STAB1: variants seen among roughly 807,000 people sequenced by gnomAD.
STAB1 encodes the protein stabilin-1.
In STAB1, 250 loss-of-function variants were observed where a neutral mutation model predicts 332.4. That is an observed-to-expected ratio of 0.75 (90% CI 0.68 to 0.84). STAB1 has a LOEUF of 0.84. Among genes scored for constraint, STAB1 ranks in the 40% least tolerant of loss-of-function variants. STAB1 has a pLI of 0.00. For synonymous variants in STAB1, 1,475 were observed against 1,390.4 expected (o/e 1.06, Z -1.35); for missense variants, 3,249 against 3,489.7 (o/e 0.93, Z 1.74).
chr3:52,518,895 G>A, intron 48 of STAB1, 26 bp downstream of exon 48: 4 of 1,498,144 alleles, frequency 2.7e-6, no homozygotes, highest in Admixed American at 4.1e-5. Flanking sequence ...GGCCTGCCCC[G>A]CTCCATCCCG....
chr3:52,520,768 G>T (rs749650261), intron 54 of STAB1, 36 bp from the exon 55 acceptor site: 1 of 1,612,736 alleles, frequency 6.2e-7, no homozygotes, highest in South Asian at 1.1e-5. Flanking sequence ...ACCAAACTCA[G>T]AACCACCCAA....
rs767313658 is a variant in STAB1 at position 52,501,642 on chromosome 3, G to A, written c.220G>A (p.Glu74Lys). ...PDQITQDCRYEVQLGGSMVSM... is the reference protein window; with the variant it reads ...PDQITQDCRYKVQLGGSMVSM... The stretch of plus-strand genomic sequence containing the variant: ...CTGCCCACCCTCTGCCCCCAGCTAC[G>A]AAGTACAGCTGGGGGGCTCTATGGT... Residue 74 changes from glutamate to lysine, a missense_variant, in exon 3 of 69, where the codon GAA (glutamate) becomes AAA (lysine). Physicochemically the swap from Glu to Lys is moderately conservative, Grantham distance 56. Coordinates refer to ENST00000321725, the MANE Select transcript of STAB1 (RefSeq NM_015136.3). 107 of 1,559,536 alleles carry A rather than the reference G, an allele frequency of 6.9e-5. 1 individual carries two copies. Among genetic ancestry groups the A allele is most frequent in the South Asian group, 6.7e-4 (57 of 84,628 alleles).
At chr3:52,503,963 G>T in intron 9 of STAB1, 61 bp downstream of exon 9, 2 of 1,611,412 alleles carry the variant, frequency 1.2e-6, no homozygotes, top group Non-Finnish European at 1.7e-6. Flanking sequence ...TCTGCGGGAA[G>T]GCGTGGGGGG....
intron 18 of STAB1, 60 bp from the exon 19 acceptor site, chr3:52,507,553 T>A: frequency 6.5e-7 from 1 of 1,540,620 alleles, no homozygotes; most frequent in Non-Finnish European, 8.8e-7. Flanking sequence ...CTTCTCTGGG[T>A]TTGCCGAGTA....
chr3:52,509,904 C>G lies in STAB1; in HGVS notation c.2382C>G (p.Arg794=), dbSNP rs1559690548. ...GTGTCCATGGTCTCTGCGACAACCG[C>G]CCAGGCAGTGGGGGGGTGTGCCAGC... The part of the protein sequence containing the change: ...CGCVHGLCDN[R]PGSGGVCQQG... The change falls in exon 23 of 69, where the codon CGC becomes CGG. Residue 794 remains arginine (R), a synonymous_variant. Coordinates refer to ENST00000321725, the MANE Select transcript of STAB1 (RefSeq NM_015136.3). 3.1e-6 allele frequency: 5 copies of G among 1,612,950 alleles called. No homozygotes were observed. The Admixed American group carries it at 5.0e-5, about 16-fold the overall frequency.
chr3:52,518,619 C>T lies in STAB1; in HGVS notation c.4887+6C>T, dbSNP rs1481312495. The T allele has an allele frequency of 2.5e-6, 4 of 1,607,736 alleles. No individual in the cohort carries two copies. Among genetic ancestry groups the T allele is most frequent in the Admixed American group, 1.7e-5 (1 of 59,254 alleles). On this transcript the variant is annotated splice_donor_region_variant and intron_variant, in intron 47 of 68. Transcript: ENST00000321725. ...TAATGAGCAACCTGTCGCAGGTATG[C>T]AGCCCCCAGAGCGAGGCTGGGCAGG...
chr3:52,522,990 C>G, intron 62 of STAB1, 35 bp from the exon 63 acceptor site: 1 of 1,595,842 alleles, frequency 6.3e-7, no homozygotes, highest in South Asian at 1.1e-5. Context: ...CCCTTCCCAC[C>G]AATCTGCTGA....
intron 26 of STAB1, 78 bp from the exon 27 acceptor site, chr3:52,512,263 C>A: frequency 7.2e-7 from 1 of 1,396,356 alleles, no homozygotes; most frequent in Admixed American, 1.7e-5. Flanking sequence ...GGTGGCTGGA[C>A]AGGCAGAAAG....
Position 52,515,454 on chromosome 3 carries a change from C to T in STAB1, c.3896C>T (p.Ser1299Phe). The T allele has an allele frequency of 6.2e-7, 1 of 1,613,518 alleles. No homozygotes were observed. Among genetic ancestry groups the T allele is most frequent in the African/African-American group, 1.3e-5 (1 of 75,064 alleles). ...CCCAGGAAGAGCTGTGTCTACCGAT[C>T]TGGCTTCTCCTTCTCCCGGGGCTGC... ...DTPRKSCVYRSGFSFSRGCSY... is the reference protein window; with the variant it reads ...DTPRKSCVYRFGFSFSRGCSY... Residue 1299 changes from serine to phenylalanine, a missense_variant, in exon 37 of 69, where the codon TCT becomes TTT. By Grantham distance (155) the Ser-to-Phe change is radical. Transcript: ENST00000321725.
rs2079036133 is a variant in STAB1 at position 52,520,461 on chromosome 3, G to A, written c.5561G>A (p.Gly1854Asp). The change falls in exon 53 of 69, where the codon GGT becomes GAT. Residue 1854 changes from glycine (G) to aspartate (D), a missense_variant. Coordinates refer to ENST00000321725, the MANE Select transcript of STAB1 (RefSeq NM_015136.3). Reference protein sequence around the residue: ...RIVQRHLPFEGGLAYGIDQLL... With the variant: ...RIVQRHLPFEDGLAYGIDQLL... ...GTGCAGCGGCACTTGCCCTTTGAGG[G>A]TGGCCTGGCCTATGGCATCGACCAG... 4 of 1,612,806 alleles carry A rather than the reference G, an allele frequency of 2.5e-6. No individual in the cohort carries two copies. The highest frequency in any genetic ancestry group is 3.4e-6 in the Non-Finnish European group (4 of 1,179,916).
chr3:52,511,590 G>A, intron 25 of STAB1, 60 bp from the exon 26 acceptor site: 4 of 1,487,784 alleles, frequency 2.7e-6, no homozygotes, highest in Middle Eastern at 1.7e-4. Flanking sequence ...CCAAGTAATG[G>A]AGGAAGAAAG....
chr3:52,508,132 T>G (rs942993911), intron 20 of STAB1, 106 bp downstream of exon 20: 1 of 1,374,640 alleles, frequency 7.3e-7, no homozygotes, highest in African/African-American at 1.4e-5. Context: ...GAGGATGCAC[T>G]GCAGCCTGAC....
At chr3:52,519,074 C>A (rs2078981629) in intron 48 of STAB1, among the ~76,000 whole-genome samples, 190 bp from the exon 49 acceptor site, 1 of 151,900 alleles carries the variant, frequency 6.6e-6, no homozygotes, top group African/African-American at 2.4e-5. Context: ...GCCCTTGTGT[C>A]CTTCCGAGGA....
rs775183575 is a variant in STAB1 at position 52,520,868 on chromosome 3, T to C, written c.5771T>C (p.Leu1924Ser). Residue 1924 changes from leucine (L) to serine (S), a missense_variant, in exon 55 of 69, where the codon TTG becomes TCG. By Grantham distance (145) the Leu-to-Ser change is moderately radical (BLOSUM62 -2). Transcript: ENST00000321725. Reference sequence around the variant, plus strand: ...TGGACGTCCCCTCCGCTGCACTCTTTGGGATTACGCAGCGTCTGGGTCCAC... The same window carrying C: ...TGGACGTCCCCTCCGCTGCACTCTTCGGGATTACGCAGCGTCTGGGTCCAC... ...KFWTSPPLHS[L>S]GLRSVWVHPS... 1 of 1,612,752 alleles carries C rather than the reference T, an allele frequency of 6.2e-7. No homozygotes were observed. Among genetic ancestry groups the C allele is most frequent in the Non-Finnish European group, 8.5e-7 (1 of 1,179,986 alleles).
At position 52,510,223 on chromosome 3, in the gene STAB1, C is replaced by T. The variant is rs1575327996; in HGVS notation, c.2616C>T (p.Gly872=). ...CCTGCTCCCACCCGGACCGTGGAGG[C>T]TGCTCAGAGAATGTCAGTCCCCTTG... ...SNPCSHPDRG[G]CSENAECVPG... The change falls in exon 24 of 69, where the codon GGC becomes GGT. Residue 872 remains glycine, a synonymous_variant. Transcript: ENST00000321725. The T allele has an allele frequency of 7.4e-6, 12 of 1,614,046 alleles. No homozygotes were observed. The highest frequency in any genetic ancestry group is 1.0e-5 in the Non-Finnish European group (12 of 1,180,032).
Position 52,514,420 on chromosome 3 carries a change from C to A in STAB1, c.3602C>A (p.Thr1201Asn). Residue 1201 changes from threonine (T) to asparagine (N), a missense_variant, in exon 34 of 69, where the codon ACC becomes AAC. Physicochemically the swap from Thr to Asn is moderately conservative, Grantham distance 65 (BLOSUM62 0). Coordinates refer to ENST00000321725, the MANE Select transcript of STAB1 (RefSeq NM_015136.3). The stretch of plus-strand genomic sequence containing the variant: ...CTGGGGGAGGCCCTCTCCATGGAAA[C>A]CCTGCGGAAGGGTGGACACCGCAAC... ...VVLGEALSME[T>N]LRKGGHRNSL... 1.3e-6 allele frequency: 2 copies of A among 1,555,046 alleles called. No homozygotes were observed. Among genetic ancestry groups the A allele is most frequent in the Non-Finnish European group, 1.7e-6 (2 of 1,149,968 alleles).
At position 52,495,422 on chromosome 3, in the gene STAB1, GC is replaced by G; in HGVS notation, c.13del (p.Arg5GlyfsTer30). On this transcript the variant is annotated frameshift_variant, in exon 1 of 69. Coordinates refer to ENST00000321725, the MANE Select transcript of STAB1 (RefSeq NM_015136.3). LOFTEE classifies it high-confidence loss of function. ...CAGCGTGCCCACCAGCCATGGCGGG[GC>G]CCCGGGGCCTCCTCCCACTCTGCCT... MAG[P>X]RGLLPLCLLA... 3 of 1,340,426 alleles carry G rather than the reference GC, an allele frequency of 2.2e-6. No individual in the cohort carries two copies. The highest frequency in any genetic ancestry group is 2.9e-6 in the Non-Finnish European group (3 of 1,038,932). 83.0% of individuals were successfully genotyped at this position (1,340,426 alleles called of 1,614,324 possible).
At chr3:52,498,513 C>T (rs1266269905) in intron 1 of STAB1, among the ~76,000 whole-genome samples, 1 of 152,370 alleles carries the variant, frequency 6.6e-6, no homozygotes, top group Middle Eastern at 3.4e-3. Flanking sequence ...ATTTCACACA[C>T]GTTTACAAAC....
At chr3:52,496,037 C>T (rs1707996231) in intron 1 of STAB1, among the ~76,000 whole-genome samples, 1 of 152,354 alleles carries the variant, frequency 6.6e-6, no homozygotes, top group South Asian at 2.1e-4. Context: ...GGGCAGGTCC[C>T]CTTGAATCCT....
Sources: allele counts gnomAD v4.1 joint callset (sites outside exome capture counted in the v4.1 genomes callset), GRCh38; gene constraint gnomAD v4.1.1; transcripts MANE v1.5; gene names NCBI Gene and HGNC (gene_info 2026-07-23, HGNC 2026-07-21).